Variants in PCED1B observed in about 807,000 individuals in gnomAD.
The protein encoded by PCED1B is PC-esterase domain-containing protein 1B.
For missense variants in PCED1B, 573 were observed against 573.9 expected, an observed-to-expected ratio of 1.00 and a Z score of 0.02; for synonymous variants, 251 against 246.1, an observed-to-expected ratio of 1.02 and a Z score of -0.19.
intron 2 of PCED1B, among the ~76,000 whole-genome samples, chr12:47,106,642 C>T (rs1938962688): frequency 1.3e-5 from 2 of 152,210 alleles, no homozygotes; most frequent in South Asian, 2.1e-4. Context: ...CGCCCATCTC[C>T]TTTATGGGGC....
chr12:47,194,681 A>G (rs955682452), intron 2 of PCED1B, among the ~76,000 whole-genome samples: 1 of 152,242 alleles, frequency 6.6e-6, no homozygotes, highest in Non-Finnish European at 1.5e-5. Flanking sequence ...ACTCCAGTTA[A>G]TATCCTCAGA....
At chr12:47,132,478 A>C (rs139342828) in intron 2 of PCED1B, among the ~76,000 whole-genome samples, 1 of 152,300 alleles carries the variant, frequency 6.6e-6, no homozygotes, top group African/African-American at 2.4e-5. Flanking sequence ...TTGGGTTTAT[A>C]ATTGAAAGTT....
intron 3 of PCED1B, among the ~76,000 whole-genome samples, chr12:47,229,535 G>A (rs1167615628): frequency 6.6e-6 from 1 of 152,120 alleles, no homozygotes; most frequent in African/African-American, 2.4e-5. Context: ...CTGGGATTGG[G>A]CCCAAGTGGA....
chr12:47,234,846 C>CCGGGCTTGG (rs749423043), intron 3 of PCED1B, among the ~76,000 whole-genome samples, 161 bp from the exon 4 acceptor site: 54 of 152,224 alleles, frequency 3.5e-4, no homozygotes, highest in Non-Finnish European at 6.3e-4. Flanking sequence ...TCTCCCAGGT[C>CCGGGCTTGG]CGGGCTTGGT....
At chr12:47,214,760 G>C (rs1000892707) in intron 2 of PCED1B, among the ~76,000 whole-genome samples, 6 of 150,984 alleles carry the variant, frequency 4.0e-5, no homozygotes, top group Admixed American at 3.9e-4. Context: ...CAGATACTTT[G>C]ACTAATGTAG....
intron 2 of PCED1B, among the ~76,000 whole-genome samples, chr12:47,194,988 G>A (rs529592161): frequency 3.9e-5 from 5 of 127,682 alleles, no homozygotes; most frequent in African/African-American, 2.3e-4. Context: ...TTGTATGAGA[G>A]GGGGGAAGAA....
chr12:47,094,415 C>T (rs1938391230), intron 1 of PCED1B, among the ~76,000 whole-genome samples: 1 of 152,126 alleles, frequency 6.6e-6, no homozygotes, highest in Non-Finnish European at 1.5e-5. Flanking sequence ...TAATCACTGA[C>T]ATCATTGGGC....
At chr12:47,171,302 G>A (rs1406523958) in intron 2 of PCED1B, among the ~76,000 whole-genome samples, 1 of 152,072 alleles carries the variant, frequency 6.6e-6, no homozygotes, top group Non-Finnish European at 1.5e-5. Flanking sequence ...CCAGACCTCA[G>A]GTGATCCGCC....
Position 47,199,422 on chromosome 12 carries a change from G to A in PCED1B, c.-525-16800G>A, listed in dbSNP as rs182714599. The stretch of plus-strand genomic sequence containing the variant: ...TTAAAGTTTATAAGAAAATGCAAAA[G>A]ACCCAGAATAGCCAACATAATATTG... On this transcript the variant is annotated intron_variant, in intron 2 of 3. Coordinates refer to ENST00000546455, the MANE Select transcript of PCED1B (RefSeq NM_138371.3). Among the ~76,000 whole-genome samples, 817 of 152,160 alleles carry A rather than the reference G, an allele frequency of 5.4e-3. 4 individuals carry two copies. Among genetic ancestry groups the A allele is most frequent in the African/African-American group, 0.018 (763 of 41,526 alleles).
At chr12:47,158,848 T>C (rs2137491500) in intron 2 of PCED1B, among the ~76,000 whole-genome samples, 1 of 152,308 alleles carries the variant, frequency 6.6e-6, no homozygotes, top group South Asian at 2.1e-4. Flanking sequence ...TACTCTGCTA[T>C]TGAACATTAA....
intron 1 of PCED1B, among the ~76,000 whole-genome samples, chr12:47,080,398 G>C (rs1240604006): frequency 6.6e-6 from 1 of 152,228 alleles, no homozygotes; most frequent in Non-Finnish European, 1.5e-5. Flanking sequence ...TTTGGGGCAA[G>C]GGCCAAGGAG....
intron 2 of PCED1B, among the ~76,000 whole-genome samples, chr12:47,173,646 G>A (rs976490580): frequency 2.0e-5 from 3 of 151,814 alleles, no homozygotes; most frequent in Non-Finnish European, 4.4e-5. Flanking sequence ...TATTTATAAC[G>A]GAAGTTGGGC....
At chr12:47,141,200 G>T (rs1295293600) in intron 2 of PCED1B, among the ~76,000 whole-genome samples, 1 of 152,164 alleles carries the variant, frequency 6.6e-6, no homozygotes, top group African/African-American at 2.4e-5. Context: ...AAAAGTGATG[G>T]AATAGGAGGT....
In PCED1B at chr12:47,217,453, AAAG is replaced by A. The variant is rs1362899885; in HGVS notation, c.-58+767_-58+769del. Among the ~76,000 whole-genome samples the A allele has an allele frequency of 3.3e-5, 3 of 89,686 alleles. 1 individual carries two copies. Among genetic ancestry groups the A allele is most frequent in the Non-Finnish European group, 7.0e-5 (3 of 43,028 alleles). The allele number at this position is 89,686 out of a possible 152,430, so 58.8% of individuals were successfully genotyped here. A position where few individuals can be genotyped will look rare whatever the true frequency, so the allele number is the denominator to read the frequency against. On this transcript the variant is annotated intron_variant, in intron 3 of 3. Coordinates refer to ENST00000546455, the MANE Select transcript of PCED1B (RefSeq NM_138371.3). Reference sequence around the variant, plus strand: ...AAGAAAAAAAAAGAAAGAAAGAAAGAAAGAAAAAGAAAGAAAGAGAAAGAAAGA... The same window carrying A: ...AAGAAAAAAAAAGAAAGAAAGAAAGAAAAAAGAAAGAAAGAGAAAGAAAGA...
chr12:47,103,853 A>C (rs1465666806), intron 1 of PCED1B, among the ~76,000 whole-genome samples: 1 of 152,232 alleles, frequency 6.6e-6, no homozygotes, highest in Non-Finnish European at 1.5e-5. Context: ...ATAATTAAGG[A>C]AACATAATTT....
intron 2 of PCED1B, among the ~76,000 whole-genome samples, chr12:47,117,750 C>T (rs1041736501): frequency 6.6e-6 from 1 of 152,168 alleles, no homozygotes; most frequent in Non-Finnish European, 1.5e-5. Context: ...ATTTCTAGTT[C>T]TAGATCCTTG....
At chr12:47,109,661 C>G (rs1273355266) in intron 2 of PCED1B, among the ~76,000 whole-genome samples, 1 of 152,124 alleles carries the variant, frequency 6.6e-6, no homozygotes, top group Non-Finnish European at 1.5e-5. Flanking sequence ...TATCTCTATT[C>G]AGTCATGCAT....
chr12:47,205,352 C>T (rs942528007), intron 2 of PCED1B, among the ~76,000 whole-genome samples: 13 of 152,086 alleles, frequency 8.5e-5, no homozygotes, highest in Admixed American at 8.5e-4. Flanking sequence ...GTGACGTTAT[C>T]CCCAGGAGCA....
At chr12:47,156,417 A>G (rs990919693) in intron 2 of PCED1B, among the ~76,000 whole-genome samples, 1 of 152,168 alleles carries the variant, frequency 6.6e-6, no homozygotes, top group Admixed American at 6.5e-5. Flanking sequence ...GCACGATACT[A>G]TTGGATGAGG....
Sources: gnomAD v4.1 joint callset for allele counts (sites outside exome capture counted in the v4.1 genomes callset) on GRCh38, gnomAD v4.1.1 for gene constraint, MANE v1.5 for transcripts, NCBI Gene and HGNC (gene_info 2026-07-23, HGNC 2026-07-21) for gene names.